The following ZNF536 variants were observed in gnomAD, a reference collection of about 807,000 sequenced individuals.
ZNF536 encodes zinc finger protein 536.
A neutral mutation model predicts 84.5 loss-of-function variants in ZNF536; 13 were observed. That is an observed-to-expected ratio of 0.15 (90% CI 0.10 to 0.24). The LOEUF (loss-of-function observed/expected upper bound fraction) is 0.24. ZNF536 is among the 10% of genes least tolerant of loss of function. The pLI is 1.00. For missense variants in ZNF536, 1,536 were observed against 1,747.5 expected, an observed-to-expected ratio of 0.88 and a Z score of 2.16; for synonymous variants, 811 against 742.5, an observed-to-expected ratio of 1.09 and a Z score of -1.50.
At chr19:30,456,245 A>C (rs988142751) in intron 2 of ZNF536, among the ~76,000 whole-genome samples, 4 of 150,654 alleles carry the variant, frequency 2.7e-5, no homozygotes, top group Non-Finnish European at 4.4e-5. Flanking sequence ...TCCAAGAAAA[A>C]CTCTATATCT....
intron 1 of ZNF536, among the ~76,000 whole-genome samples, chr19:30,597,588 T>C (rs2047511467): frequency 6.6e-6 from 1 of 152,202 alleles, no homozygotes; most frequent in South Asian, 2.1e-4. Context: ...TCTTCTGCTT[T>C]GTAGCTGTGT....
chr19:30,297,902 G>GC (rs1568313143), intron 2 of ZNF536, among the ~76,000 whole-genome samples: 4 of 119,626 alleles, frequency 3.3e-5, no homozygotes, highest in African/African-American at 1.6e-4. Flanking sequence ...TCAAGACGGA[G>GC]TCCCCCCCCC....
intron 1 of ZNF536, among the ~76,000 whole-genome samples, chr19:30,581,434 G>A (rs1234793116): frequency 6.6e-6 from 1 of 152,160 alleles, no homozygotes; most frequent in African/African-American, 2.4e-5. Context: ...CTGAGATTGT[G>A]CCACTGCATT....
intron 2 of ZNF536, among the ~76,000 whole-genome samples, chr19:30,481,072 C>T (rs1042259843): frequency 2.0e-5 from 3 of 151,706 alleles, no homozygotes; most frequent in Non-Finnish European, 1.5e-5. Flanking sequence ...TTTTAGCTGC[C>T]CTTAATACTA....
chr19:30,572,176 C>T (rs967727664), intron 1 of ZNF536, among the ~76,000 whole-genome samples: 9 of 152,150 alleles, frequency 5.9e-5, no homozygotes, highest in Non-Finnish European at 1.2e-4. Flanking sequence ...GTACTACTTG[C>T]AGAAAAAGTA....
intron 3 of ZNF536, among the ~76,000 whole-genome samples, chr19:30,545,383 G>GTTTTTT (rs2045503833): frequency 3.5e-5 from 3 of 85,226 alleles, no homozygotes; most frequent in Admixed American, 1.2e-4. Flanking sequence ...GCTCCCATAT[G>GTTTTTT]TCTTTTTTTT....
rs187261913 is a variant in ZNF536, at chr19:30,640,016, G to A, written c.170-70741G>A. On this transcript the variant is annotated intron_variant, in intron 1 of 1. Coordinates refer to the ZNF536 transcript ENST00000592773. ...TTCCAGCACTTTGGGAGGCCGAGATGGGCAGATCACCTGAGGTCAGGAGTT... is the reference window on the plus strand; with the variant it reads ...TTCCAGCACTTTGGGAGGCCGAGATAGGCAGATCACCTGAGGTCAGGAGTT... Among the ~76,000 whole-genome samples, 554 of 152,314 alleles carry A rather than the reference G, an allele frequency of 3.6e-3. 4 individuals carry two copies. Among genetic ancestry groups the A allele is most frequent in the African/African-American group, 0.013 (536 of 41,578 alleles).
intron 3 of ZNF536, among the ~76,000 whole-genome samples, chr19:30,538,697 C>T (rs989771214): frequency 1.3e-5 from 2 of 152,208 alleles, no homozygotes; most frequent in Non-Finnish European, 2.9e-5. Flanking sequence ...ACTCTGGCTC[C>T]AGGCAGGGCA....
At chr19:30,696,641 T>C (rs896991986) in intron 1 of ZNF536, among the ~76,000 whole-genome samples, 8 of 152,114 alleles carry the variant, frequency 5.3e-5, no homozygotes, top group African/African-American at 1.9e-4. Flanking sequence ...AAACAGGATA[T>C]AAGGCAAAAT....
At chr19:30,694,703 G>A (rs2051578992) in intron 1 of ZNF536, among the ~76,000 whole-genome samples, 1 of 152,120 alleles carries the variant, frequency 6.6e-6, no homozygotes, top group African/African-American at 2.4e-5. Context: ...AGTGTTGGGG[G>A]AAAAAAATAT....
intron 1 of ZNF536, among the ~76,000 whole-genome samples, chr19:30,432,006 T>TATATATATATATATATATATATATATAC (rs149223384): frequency 5.3e-4 from 78 of 145,906 alleles, no homozygotes; most frequent in East Asian, 4.7e-3. Flanking sequence ...TATATATATA[T>TATATATATATATATATATATATATATAC]ACACACACAC....
chr19:30,567,335 G>A (rs1361397262), intron 1 of ZNF536, among the ~76,000 whole-genome samples: 2 of 152,170 alleles, frequency 1.3e-5, no homozygotes, highest in Non-Finnish European at 2.9e-5. Flanking sequence ...AGGTGTTTGG[G>A]TTGTGACCAG....
intron 2 of ZNF536, among the ~76,000 whole-genome samples, chr19:30,342,706 C>T (rs2047601908): frequency 6.6e-6 from 1 of 152,104 alleles, no homozygotes; most frequent in African/African-American, 2.4e-5. Context: ...ATTTTGAATC[C>T]TTATGAAAAT....
chr19:30,484,975 C>G (rs974428737), intron 2 of ZNF536, among the ~76,000 whole-genome samples: 3 of 151,808 alleles, frequency 2.0e-5, no homozygotes, highest in Non-Finnish European at 2.9e-5. Context: ...AACCCCGTCT[C>G]TACTAAAAAA....
intron 1 of ZNF536, chr19:30,436,639 C>A: frequency 3.1e-6 from 1 of 324,508 alleles, no homozygotes; most frequent in Non-Finnish European, 4.4e-6. Flanking sequence ...ATGCTTATAA[C>A]AACCTTAGTT....
At chr19:30,595,033 G>A (rs893347203) in intron 1 of ZNF536, among the ~76,000 whole-genome samples, 22 of 152,196 alleles carry the variant, frequency 1.4e-4, no homozygotes, top group African/African-American at 5.1e-4. Flanking sequence ...CAAGGTGCAG[G>A]TGGCTGCAGT....
intron 1 of ZNF536, among the ~76,000 whole-genome samples, chr19:30,618,778 T>C: frequency 6.6e-6 from 1 of 152,156 alleles, no homozygotes; most frequent in East Asian, 1.9e-4. Flanking sequence ...CTTGTTTTAA[T>C]ATGGAATCCA....
chr19:30,709,037 A>G (rs2052357186), intron 1 of ZNF536, among the ~76,000 whole-genome samples: 1 of 152,112 alleles, frequency 6.6e-6, no homozygotes, highest in East Asian at 1.9e-4. Flanking sequence ...GCTCATCAAC[A>G]GCTTCCCGGA....
intron 1 of ZNF536, among the ~76,000 whole-genome samples, chr19:30,653,567 A>T (rs760618437): frequency 6.6e-6 from 1 of 152,222 alleles, no homozygotes; most frequent in South Asian, 2.1e-4. Context: ...TCTCTTGAAA[A>T]ACTAGAATGT....
Sources: gnomAD v4.1 joint callset for allele counts (sites outside exome capture counted in the v4.1 genomes callset) on GRCh38, gnomAD v4.1.1 for gene constraint, MANE v1.5 for transcripts, NCBI Gene and HGNC (gene_info 2026-07-23, HGNC 2026-07-21) for gene names.